PRH1: variants seen among roughly 807,000 people sequenced by gnomAD.
PRH1 encodes the protein proline rich protein HaeIII subfamily 1.
A neutral mutation model predicts 7.9 loss-of-function variants in PRH1; 7 were observed. The ratio of observed to expected loss-of-function variants is 0.89; its 90% CI spans 0.50 to 1.67. PRH1 has a LOEUF of 1.67. Ranked by LOEUF, PRH1 falls within the 40% of genes most tolerant of loss-of-function variation. PRH1 has a pLI of 0.00. For missense variants in PRH1, 109 were observed against 223.6 expected (o/e 0.49, Z 3.27); for synonymous variants, 45 against 80.8 (o/e 0.56, Z 2.38).
Position 10,882,977 on chromosome 12 carries a change from T to C in PRH1, c.100+84A>G, listed in dbSNP as rs879236617. On this transcript the variant is annotated intron_variant, in intron 2 of 3. Coordinates refer to ENST00000543626, the MANE Select transcript of PRH1 (RefSeq NM_001393989.1). ...TATTAGCCAATTCCTGACAAGAAAA[T>C]GGTGATAAGAAGACACTGGAGAACT... 21 of 1,538,832 alleles carry C rather than the reference T, an allele frequency of 1.4e-5. No individual in the cohort carries two copies. In the Admixed American group the frequency reaches 3.5e-4, roughly 26 times the overall value.
intron 1 of PRH1, among the ~76,000 whole-genome samples, chr12:11,018,994 G>A (rs1941445062): frequency 7.7e-6 from 1 of 129,466 alleles, no homozygotes; most frequent in African/African-American, 2.5e-5. Context: ...GAGAGGAAAA[G>A]AGAAAAAATA....
intron 1 of PRH1, among the ~76,000 whole-genome samples, chr12:10,993,237 G>T (rs193054793): frequency 1.2e-4 from 18 of 152,290 alleles, no homozygotes; most frequent in African/African-American, 4.3e-4. Flanking sequence ...GATTGGGAGA[G>T]AAAATCAAAA....
At chr12:11,167,961 G>A (rs1220836240) in intron 1 of PRH1, among the ~76,000 whole-genome samples, 3 of 151,872 alleles carry the variant, frequency 2.0e-5, no homozygotes, top group Admixed American at 1.3e-4. Context: ...ATAGATTCAT[G>A]TATAGGTGAT....
At chr12:10,907,768 C>T (rs976403909) in intron 2 of PRH1, among the ~76,000 whole-genome samples, 2 of 151,840 alleles carry the variant, frequency 1.3e-5, no homozygotes, top group African/African-American at 2.4e-5. Context: ...GTAAATTATA[C>T]CTCAATAATA....
intron 1 of PRH1, among the ~76,000 whole-genome samples, chr12:11,144,934 T>A (rs932682680): frequency 5.9e-5 from 9 of 152,208 alleles, no homozygotes; most frequent in African/African-American, 2.2e-4. Flanking sequence ...GGGAAGTCAC[T>A]GTATTTGGGT....
At chr12:11,046,295 GATAA>G (rs891665947) in intron 1 of PRH1, among the ~76,000 whole-genome samples, 15 of 152,258 alleles carry the variant, frequency 9.9e-5, no homozygotes, top group Middle Eastern at 3.4e-3. Context: ...TGTGCTTGAT[GATAA>G]CTGAAATCTC....
chr12:11,144,733 G>A (rs745361412), intron 1 of PRH1, among the ~76,000 whole-genome samples: 101 of 152,302 alleles, frequency 6.6e-4, no homozygotes, highest in Middle Eastern at 3.4e-3. Context: ...GGCAGGAATC[G>A]GCTGTTTGGG....
chr12:11,039,694 T>C (rs1382417082), intron 1 of PRH1, among the ~76,000 whole-genome samples: 1 of 152,232 alleles, frequency 6.6e-6, no homozygotes. Context: ...GAATCCCGTC[T>C]TTTCCTACCA....
At chr12:11,067,403 G>T (rs1278012960) in intron 1 of PRH1, among the ~76,000 whole-genome samples, 2 of 151,680 alleles carry the variant, frequency 1.3e-5, no homozygotes, top group Admixed American at 6.6e-5. Flanking sequence ...TCATGACTTT[G>T]TGACACTTTG....
chr12:11,164,487 T>C (rs1189657603), intron 1 of PRH1, among the ~76,000 whole-genome samples: 1 of 152,218 alleles, frequency 6.6e-6, no homozygotes, highest in East Asian at 1.9e-4. Flanking sequence ...ATTATGATTC[T>C]GTTGGATCTG....
At chr12:10,881,960 T>C (rs1466589705) in intron 3 of PRH1, among the ~76,000 whole-genome samples, 1 of 152,198 alleles carries the variant, frequency 6.6e-6, no homozygotes. Context: ...TGGTTCTATG[T>C]CCTCATTGTC....
intron 2 of PRH1, among the ~76,000 whole-genome samples, chr12:10,940,240 G>A (rs967087964): frequency 5.9e-5 from 9 of 151,882 alleles, no homozygotes; most frequent in South Asian, 2.1e-4. Flanking sequence ...ACACACAAAC[G>A]CATACATTTA....
At chr12:11,116,514 C>T (rs1380930774), downstream of PRH1, among the ~76,000 whole-genome samples, 1 of 151,982 alleles carries the variant, frequency 6.6e-6, no homozygotes, top group East Asian at 1.9e-4. Context: ...TAACTGATAC[C>T]AATCCTACAC....
chr12:10,928,015 A>G (rs1349957073), intron 2 of PRH1, among the ~76,000 whole-genome samples: 1 of 152,122 alleles, frequency 6.6e-6, no homozygotes, highest in Non-Finnish European at 1.5e-5. Flanking sequence ...GAAAATAAAG[A>G]TAGTGAGGAG....
intron 1 of PRH1, among the ~76,000 whole-genome samples, chr12:11,072,117 A>C (rs1591951897): frequency 6.7e-6 from 1 of 149,062 alleles, no homozygotes; most frequent in South Asian, 2.1e-4. Context: ...ACAGGTGAGC[A>C]CCACCATGCC....
At chr12:10,970,775 C>A (rs2135950508) in intron 2 of PRH1, among the ~76,000 whole-genome samples, 1 of 151,648 alleles carries the variant, frequency 6.6e-6, no homozygotes, top group Admixed American at 6.6e-5. Flanking sequence ...CCATGTTGGC[C>A]AGGCTGGTCT....
intron 2 of PRH1, among the ~76,000 whole-genome samples, chr12:10,921,630 T>G (rs1210029648): frequency 2.0e-5 from 3 of 152,224 alleles, no homozygotes; most frequent in Non-Finnish European, 4.4e-5. Context: ...TATTTATTCA[T>G]TCATTTATTT....
At chr12:10,969,885 T>C (rs777629225) in intron 2 of PRH1, among the ~76,000 whole-genome samples, 29 of 152,164 alleles carry the variant, frequency 1.9e-4, no homozygotes, top group Non-Finnish European at 2.1e-4. Context: ...CTGCAACCTC[T>C]GACTCCCAGG....
At chr12:11,068,612 T>C (rs1264639207) in intron 1 of PRH1, among the ~76,000 whole-genome samples, 2 of 152,318 alleles carry the variant, frequency 1.3e-5, no homozygotes, top group Non-Finnish European at 2.9e-5. Context: ...TATTTGATTA[T>C]AGAGCTATAC....
Sources: gnomAD v4.1 joint callset for allele counts (sites outside exome capture counted in the v4.1 genomes callset) on GRCh38, gnomAD v4.1.1 for gene constraint, MANE v1.5 for transcripts, NCBI Gene and HGNC (gene_info 2026-07-23, HGNC 2026-07-21) for gene names.